The following CADPS2 variants were observed in gnomAD, a reference collection of about 807,000 sequenced individuals.
CADPS2 encodes calcium-dependent secretion activator 2.
A neutral mutation model predicts 172.5 loss-of-function variants in CADPS2; 93 were observed. That is an observed-to-expected ratio of 0.54 (90% CI 0.46 to 0.64). The LOEUF (loss-of-function observed/expected upper bound fraction) is 0.64, where lower values mean the gene tolerates loss of function less well. Among genes scored for constraint, CADPS2 ranks in the 30% least tolerant of loss-of-function variants. CADPS2 has a pLI of 0.00. For missense variants in CADPS2, 1,420 were observed against 1,565.9 expected (o/e 0.91, Z 1.57); for synonymous variants, 546 against 555.2 (o/e 0.98, Z 0.23).
chr7:122,381,348 C>G (rs1169693712), intron 24 of CADPS2, among the ~76,000 whole-genome samples: 1 of 152,148 alleles, frequency 6.6e-6, no homozygotes, highest in South Asian at 2.1e-4. Context: ...AGTTGGGCTT[C>G]AAGCATCTCA....
chr7:122,555,547 T>G (rs1475814620), intron 7 of CADPS2, among the ~76,000 whole-genome samples: 1 of 152,048 alleles, frequency 6.6e-6, no homozygotes, highest in Non-Finnish European at 1.5e-5. Flanking sequence ...AAACCTGAAG[T>G]TTAGATATGA....
intron 1 of CADPS2, among the ~76,000 whole-genome samples, chr7:122,737,594 C>T (rs904830776): frequency 2.0e-5 from 3 of 152,080 alleles, no homozygotes; most frequent in East Asian, 3.9e-4. Context: ...AAATTTCTAC[C>T]CCAAATTTCC....
chr7:122,466,368 G>T (rs2055139954), intron 14 of CADPS2, among the ~76,000 whole-genome samples: 1 of 152,114 alleles, frequency 6.6e-6, no homozygotes. Context: ...TGGATGACGG[G>T]GTTCTAGGCT....
intron 1 of CADPS2, among the ~76,000 whole-genome samples, chr7:122,857,275 T>C (rs1396959471): frequency 6.6e-6 from 1 of 152,220 alleles, no homozygotes; most frequent in African/African-American, 2.4e-5. Context: ...TATTTCTTTT[T>C]TATGTTTCTG....
At chr7:122,747,764 G>T (rs1202186397) in intron 1 of CADPS2, among the ~76,000 whole-genome samples, 1 of 152,130 alleles carries the variant, frequency 6.6e-6, no homozygotes, top group African/African-American at 2.4e-5. Flanking sequence ...TCAGCTTGAA[G>T]AGGTAAAAGC....
At chr7:122,741,547 T>TA (rs1295084940) in intron 1 of CADPS2, among the ~76,000 whole-genome samples, 2 of 152,242 alleles carry the variant, frequency 1.3e-5, no homozygotes, top group African/African-American at 4.8e-5. Context: ...TTCTTTCAGG[T>TA]AAAAAAACTT....
Position 122,700,901 on chromosome 7 carries a change from C to A in CADPS2, c.453+36054G>T, listed in dbSNP as rs146536276. ...TAATAATTTAGAACACTTTTCCTTA[C>A]ATATCCAAAGTACTATCATCTAAAA... On this transcript the variant is annotated intron_variant, in intron 2 of 29. Transcript: ENST00000449022. Among the ~76,000 whole-genome samples the A allele has an allele frequency of 3.7e-4, 56 of 152,224 alleles. 1 individual carries two copies. Among genetic ancestry groups the A allele is most frequent in the East Asian group, 1.2e-3 (6 of 5,162 alleles).
intron 15 of CADPS2, among the ~76,000 whole-genome samples, chr7:122,443,139 T>C (rs1269594142): frequency 6.6e-6 from 1 of 152,180 alleles, no homozygotes; most frequent in Non-Finnish European, 1.5e-5. Context: ...ATTTTATGAA[T>C]GGAATGTTAC....
intron 1 of CADPS2, among the ~76,000 whole-genome samples, chr7:122,845,340 T>C (rs916147425): frequency 6.6e-6 from 1 of 152,036 alleles, no homozygotes; most frequent in Non-Finnish European, 1.5e-5. Context: ...TGAGATGGTC[T>C]CAAAAGAAAA....
intron 3 of CADPS2, among the ~76,000 whole-genome samples, chr7:122,635,626 T>G (rs1187268083): frequency 6.6e-6 from 1 of 152,178 alleles, no homozygotes; most frequent in African/African-American, 2.4e-5. Context: ...TTTTTATGGC[T>G]GCATAGTATT....
At chr7:122,390,278 GAAAAAAACAC>G (rs1464474170) in intron 22 of CADPS2, among the ~76,000 whole-genome samples, 1 of 151,716 alleles carries the variant, frequency 6.6e-6, no homozygotes, top group Non-Finnish European at 1.5e-5. Flanking sequence ...TGAAAGTGTT[GAAAAAAACAC>G]TACCTTTATT....
chr7:122,735,814 C>A (rs571039183), intron 2 of CADPS2, among the ~76,000 whole-genome samples: 1 of 152,198 alleles, frequency 6.6e-6, no homozygotes, highest in African/African-American at 2.4e-5. Context: ...AGACTTTTGG[C>A]TTTTCTTTAG....
chr7:122,356,739 G>A (rs1041662793), intron 27 of CADPS2, among the ~76,000 whole-genome samples: 1 of 151,970 alleles, frequency 6.6e-6, no homozygotes. Flanking sequence ...TTACATATTT[G>A]CTCGCTCAAA....
chr7:122,411,958 A>G (rs1232041922), intron 19 of CADPS2, among the ~76,000 whole-genome samples: 1 of 152,256 alleles, frequency 6.6e-6, no homozygotes, highest in African/African-American at 2.4e-5. Context: ...GCTCCAAAAC[A>G]TGAGAATGTA....
Position 122,320,148 on chromosome 7 carries a change from T to C in CADPS2, c.*17A>G. On this transcript the variant is annotated 3_prime_UTR_variant, in exon 30 of 30. Transcript: ENST00000449022. Reference sequence around the variant, plus strand: ...TGTCGATCAAGGTCTTCCTTCCTTCTGCAAAGCTGTGTGATATCAGCCTTC... The same window carrying C: ...TGTCGATCAAGGTCTTCCTTCCTTCCGCAAAGCTGTGTGATATCAGCCTTC... The C allele has an allele frequency of 6.4e-7, 1 of 1,570,320 alleles. No homozygotes were observed. Among genetic ancestry groups the C allele is most frequent in the Non-Finnish European group, 8.6e-7 (1 of 1,158,162 alleles).
chr7:122,574,382 G>T (rs543927824), intron 7 of CADPS2, among the ~76,000 whole-genome samples: 1 of 136,818 alleles, frequency 7.3e-6, no homozygotes, highest in South Asian at 2.5e-4. Context: ...GCAGGTGGAG[G>T]CTGCAGTGAG....
intron 1 of CADPS2, among the ~76,000 whole-genome samples, chr7:122,750,947 T>A (rs1241044854): frequency 6.6e-6 from 1 of 152,132 alleles, no homozygotes; most frequent in Non-Finnish European, 1.5e-5. Flanking sequence ...AGATTTAGAC[T>A]TAAACAACAG....
chr7:122,405,372 T>C (rs1410953646), intron 20 of CADPS2, among the ~76,000 whole-genome samples: 1 of 151,932 alleles, frequency 6.6e-6, no homozygotes, highest in Non-Finnish European at 1.5e-5. Context: ...AACTTAAAAA[T>C]TGGCTGAGGG....
At chr7:122,571,932 T>A (rs1197846294) in intron 7 of CADPS2, among the ~76,000 whole-genome samples, 1 of 152,152 alleles carries the variant, frequency 6.6e-6, no homozygotes, top group Non-Finnish European at 1.5e-5. Flanking sequence ...ACTATACTAA[T>A]TTTTCACAAA....
Sources: gnomAD v4.1 joint callset for allele counts (sites outside exome capture counted in the v4.1 genomes callset) on GRCh38, gnomAD v4.1.1 for gene constraint, MANE v1.5 for transcripts, NCBI Gene and HGNC (gene_info 2026-07-23, HGNC 2026-07-21) for gene names.